The following FANCB variants were observed in gnomAD, a reference collection of about 807,000 sequenced individuals.
FANCB encodes the protein Fanconi anemia group B protein.
Under a neutral mutation model 38.9 loss-of-function variants are expected in FANCB, and 5 were observed. The ratio of observed to expected loss-of-function variants is 0.13; its 90% CI spans 0.07 to 0.27. The LOEUF (loss-of-function observed/expected upper bound fraction) is 0.27, where lower values mean the gene tolerates loss of function less well. FANCB is among the 10% of genes least tolerant of loss of function. The probability of loss-of-function intolerance (pLI) is 1.00; values close to 1 mark genes in which losing one functional copy is unlikely to be tolerated. For missense variants in FANCB, 573 were observed against 602.7 expected (o/e 0.95, Z 0.52); for synonymous variants, 236 against 215.4 (o/e 1.10, Z -0.84).
the FANCB span, among the ~76,000 whole-genome samples, chrX:14,826,910 A>G: frequency 9.0e-6 from 1 of 111,507 alleles, no homozygotes; most frequent in Non-Finnish European, 1.9e-5. Flanking sequence ...TTTTTTTTAC[A>G]TTTGAAATTT....
At chrX:14,857,154 A>C (rs929377516) in intron 5 of FANCB, among the ~76,000 whole-genome samples, 4 of 112,317 alleles carry the variant, frequency 3.6e-5, no homozygotes, top group African/African-American at 1.3e-4. Flanking sequence ...CAAGAATTGA[A>C]TGTATTGGGG....
the FANCB span, among the ~76,000 whole-genome samples, chrX:14,804,237 A>T: frequency 8.9e-6 from 1 of 112,209 alleles, no homozygotes; most frequent in East Asian, 2.8e-4. Context: ...ACCAAGCCAA[A>T]TGTCCAACAA....
the FANCB span, among the ~76,000 whole-genome samples, chrX:14,736,857 T>C: frequency 9.0e-6 from 1 of 111,440 alleles, no homozygotes; most frequent in Non-Finnish European, 1.9e-5. Flanking sequence ...GAAATGGAAG[T>C]ATTAGTGGCC....
chrX:14,829,148 A>G, the FANCB span, among the ~76,000 whole-genome samples: 168 of 111,942 alleles, frequency 1.5e-3, no homozygotes, highest in African/African-American at 5.4e-3. Context: ...ATAGCCTTAC[A>G]AGATGTATTT....
At chrX:14,756,616 T>C in the FANCB span, among the ~76,000 whole-genome samples, 1 of 111,849 alleles carries the variant, frequency 8.9e-6, no homozygotes, top group African/African-American at 3.3e-5. Flanking sequence ...ATTAAGCAAC[T>C]GACCGGTCAT....
chrX:14,730,846 G>T, the FANCB span: 1 of 166,348 alleles, frequency 6.0e-6, no homozygotes, highest in Non-Finnish European at 1.1e-5. Flanking sequence ...TGGTCCTTTT[G>T]GTTTGGTTTG....
At chrX:14,737,844 T>G in the FANCB span, among the ~76,000 whole-genome samples, 14 of 112,057 alleles carry the variant, frequency 1.2e-4, no homozygotes, top group African/African-American at 4.5e-4. Flanking sequence ...TAAGGTGAAG[T>G]GTTTATTCTC....
the FANCB span, among the ~76,000 whole-genome samples, chrX:14,694,121 A>C: frequency 8.9e-5 from 10 of 112,027 alleles, no homozygotes; most frequent in Non-Finnish European, 1.7e-4. Flanking sequence ...ATGGTCCATT[A>C]AGTTTACTGA....
Position 14,864,805 on chromosome X carries a change from C to T in FANCB, c.706G>A (p.Val236Met), listed in dbSNP as rs746389250. Residue 236 changes from valine (V) to methionine (M), a missense_variant, in exon 3 of 10, where the codon GTG becomes ATG. Transcript: ENST00000650831. Reference sequence around the variant, plus strand: ...GCACAAATATGTACATAAGTCACCACACTGCTGTAAGCAGGAGGAATAATG... The same window carrying T: ...GCACAAATATGTACATAAGTCACCATACTGCTGTAAGCAGGAGGAATAATG... Reference protein sequence around the residue: ...IYIIPPAYSSVVTYVHICATE... With the variant: ...IYIIPPAYSSMVTYVHICATE... 152 of 1,205,846 alleles carry T rather than the reference C, an allele frequency of 1.3e-4. No individual in the cohort carries two copies. The South Asian group carries it at 2.5e-3, about 20-fold the overall frequency.
the FANCB span, among the ~76,000 whole-genome samples, chrX:14,707,030 A>AACTT: frequency 1.0e-5 from 1 of 96,947 alleles, no homozygotes; most frequent in Admixed American, 1.1e-4. Flanking sequence ...ATTAAAATAA[A>AACTT]ACTTACAAAA....
At chrX:14,809,815 T>A in the FANCB span, among the ~76,000 whole-genome samples, 17 of 112,498 alleles carry the variant, frequency 1.5e-4, no homozygotes, top group African/African-American at 4.5e-4. Flanking sequence ...GTCTGACAGC[T>A]TTGAAGAGAG....
chrX:14,850,665 G>T lies in FANCB; in HGVS notation c.1336C>A (p.Leu446Ile). 1 of 1,142,396 alleles carries T rather than the reference G, an allele frequency of 8.8e-7. No individual in the cohort carries two copies. The highest frequency in any genetic ancestry group is 1.2e-6 in the Non-Finnish European group (1 of 841,613). The allele number at this position is 1,142,396 out of a possible 1,213,427, so 94.1% of individuals were successfully genotyped here. A position where few individuals can be genotyped will look rare whatever the true frequency, so the allele number is the denominator to read the frequency against. The part of the protein sequence containing the change: ...NTSSAEEKEC[L>I]VPLCGEEENS... The stretch of plus-strand genomic sequence containing the variant: ...TCTTCTTCACCACAAAGAGGAACAA[G>T]ACATTCCTTCTAAAAAAAAAAGTTT... The change falls in exon 7 of 10, where the codon CTT becomes ATT. Residue 446 changes from leucine (L) to isoleucine (I), a missense_variant. By Grantham distance (5) the Leu-to-Ile change is conservative (BLOSUM62 2). Coordinates refer to ENST00000650831, the MANE Select transcript of FANCB (RefSeq NM_001018113.3).
chrX:14,709,927 A>G, the FANCB span, among the ~76,000 whole-genome samples: 1 of 111,974 alleles, frequency 8.9e-6, no homozygotes, highest in Non-Finnish European at 1.9e-5. Context: ...AATTCAGGAG[A>G]TAAGATTGGC....
intron 10 of FANCB, among the ~76,000 whole-genome samples, chrX:14,837,550 C>A (rs2092344581): frequency 8.9e-6 from 1 of 112,104 alleles, no homozygotes; most frequent in Non-Finnish European, 1.9e-5. Flanking sequence ...GGGCCATCAA[C>A]CAACTCTAAT....
the FANCB span, among the ~76,000 whole-genome samples, chrX:14,830,285 T>C: frequency 8.9e-6 from 1 of 111,774 alleles, no homozygotes; most frequent in Admixed American, 9.5e-5. Flanking sequence ...GTTTGAAATA[T>C]TGCAGGAATT....
At chrX:14,763,200 T>C in the FANCB span, among the ~76,000 whole-genome samples, 4 of 112,034 alleles carry the variant, frequency 3.6e-5, no homozygotes, top group South Asian at 1.5e-3. Context: ...ACTCAAAATA[T>C]GCTGTTGTTC....
the FANCB span, among the ~76,000 whole-genome samples, chrX:14,734,513 T>C: frequency 3.6e-5 from 4 of 111,818 alleles, no homozygotes; most frequent in Admixed American, 1.9e-4. Context: ...AAATTCTGGG[T>C]TGAAAATTCT....
At chrX:14,780,483 TGAAA>T in the FANCB span, among the ~76,000 whole-genome samples, 1 of 111,132 alleles carries the variant, frequency 9.0e-6, no homozygotes, top group African/African-American at 3.4e-5. Flanking sequence ...TAAAACATTC[TGAAA>T]GAAATTATTT....
In FANCB at chrX:14,859,226, G is replaced by C. The variant is rs754149022; in HGVS notation, c.1060C>G (p.Leu354Val). ...LFKDSLNSDC[L>V]TSFKITDLGK... The stretch of plus-strand genomic sequence containing the variant: ...AGATCCGTTATTTTAAATGAAGTCA[G>C]GCAGTCTGAGTTCAAGGAGTCCTTA... The change falls in exon 4 of 10, where the codon CTG (leucine) becomes GTG (valine). Residue 354 changes from leucine to valine, a missense_variant. Coordinates refer to ENST00000650831, the MANE Select transcript of FANCB (RefSeq NM_001018113.3). 8.4e-7 allele frequency: 1 copy of C among 1,189,503 alleles called. No individual in the cohort carries two copies. The highest frequency in any genetic ancestry group is 3.0e-5 in the East Asian group (1 of 33,609).
Sources: gnomAD v4.1 joint callset for allele counts (sites outside exome capture counted in the v4.1 genomes callset) on GRCh38, gnomAD v4.1.1 for gene constraint, MANE v1.5 for transcripts, NCBI Gene and HGNC (gene_info 2026-07-23, HGNC 2026-07-21) for gene names.